The following PRRC2C variants were observed in gnomAD, a reference collection of about 807,000 sequenced individuals.
PRRC2C encodes the protein protein PRRC2C.
Under a neutral mutation model 317.2 loss-of-function variants are expected in PRRC2C, and 72 were observed. The observed-to-expected ratio is 0.23, with a 90% confidence interval of 0.19 to 0.28. The LOEUF (loss-of-function observed/expected upper bound fraction) is 0.28, where lower values mean the gene tolerates loss of function less well. Among genes scored for constraint, PRRC2C ranks in the 10% least tolerant of loss-of-function variants. PRRC2C has a pLI of 1.00. For missense variants in PRRC2C, 3,074 were observed against 3,459.7 expected (o/e 0.89, Z 2.80); for synonymous variants, 1,296 against 1,205.9 (o/e 1.07, Z -1.55).
chr1:171,583,820 A>G, intron 28 of PRRC2C, 136 bp from the exon 29 acceptor site: 1 of 695,704 alleles, frequency 1.4e-6, no homozygotes, highest in Non-Finnish European at 2.4e-6. Flanking sequence ...CCATCAATAT[A>G]TATGTGGTCT....
chr1:171,527,115 C>T (rs1411038330), intron 10 of PRRC2C, among the ~76,000 whole-genome samples: 1 of 148,254 alleles, frequency 6.7e-6, no homozygotes, highest in Non-Finnish European at 1.5e-5. Flanking sequence ...TGAAATATTT[C>T]TAATAGATAT....
intron 12 of PRRC2C, among the ~76,000 whole-genome samples, chr1:171,535,088 A>C (rs1305310127): frequency 6.6e-6 from 1 of 152,170 alleles, no homozygotes; most frequent in Non-Finnish European, 1.5e-5. Flanking sequence ...CTACCAGTAA[A>C]TACTGACAAT....
rs531031924 is a variant in PRRC2C, at chr1:171,494,663, G to A, written c.-58+8928G>A. Among the ~76,000 whole-genome samples the A allele has an allele frequency of 4.6e-5, 7 of 151,976 alleles. No homozygotes were observed. In the East Asian group the frequency reaches 1.4e-3, roughly 30 times the overall value. ...ACAGTCACCCCTTAACATTCACAAA[G>A]CATATGTCCTAAGATCTTACAAATT... On this transcript the variant is annotated intron_variant, in intron 1 of 34. Transcript: ENST00000647382.
Position 171,540,893 on chromosome 1 carries a change from G to C in PRRC2C, c.3427G>C (p.Val1143Leu), listed in dbSNP as rs770648444. Residue 1143 changes from valine to leucine, a missense_variant, in exon 16 of 35, where the codon GTC becomes CTC. Coordinates refer to ENST00000647382, the MANE Select transcript of PRRC2C (RefSeq NM_001387844.1). ...CAAAGAAGAAAAACAACCTGAGAAA[G>C]TCATCAGCAAAGACCTTGTTATAGA... Reference protein sequence around the residue: ...VVKEEKQPEKVISKDLVIERP... With the variant: ...VVKEEKQPEKLISKDLVIERP... The C allele has an allele frequency of 6.2e-7, 1 of 1,613,684 alleles. No homozygotes were observed. Among genetic ancestry groups the C allele is most frequent in the Non-Finnish European group, 8.5e-7 (1 of 1,179,808 alleles).
At chr1:171,487,298 T>G (rs1395402271) in intron 1 of PRRC2C, among the ~76,000 whole-genome samples, 3 of 152,194 alleles carry the variant, frequency 2.0e-5, no homozygotes, top group African/African-American at 7.2e-5. Context: ...TTATTGGTGG[T>G]ATTGTGTAGG....
rs1345952122 is a variant in PRRC2C at position 171,591,372 on chromosome 1, G to GT, written c.8437-215_8437-214insT. The GT allele has an allele frequency of 4.4e-3, 2,290 of 514,868 alleles. 6 individuals carry two copies. Among genetic ancestry groups the GT allele is most frequent in the Admixed American group, 6.9e-3 (123 of 17,744 alleles). 31.9% of individuals were successfully genotyped at this position (514,868 alleles called of 1,614,324 possible). A position where few individuals can be genotyped will look rare whatever the true frequency, so the allele number is the denominator to read the frequency against. On this transcript the variant is annotated intron_variant, in intron 34 of 34. Coordinates refer to ENST00000647382, the MANE Select transcript of PRRC2C (RefSeq NM_001387844.1). ...AAAAGGTGGTGGGAGGTGGTCCTGT[G>GT]GTTTTTTTTTTTTTTTTAAATCACA...
In PRRC2C at chr1:171,523,524, T is replaced by C. The variant is rs1673983431; in HGVS notation, c.1055+2T>C. 6.3e-7 allele frequency: 1 copy of C among 1,599,118 alleles called. No homozygotes were observed. The highest frequency in any genetic ancestry group is 8.6e-7 in the Non-Finnish European group (1 of 1,169,346). On this transcript the variant is annotated splice_donor_variant, in intron 9 of 34. Coordinates refer to ENST00000647382, the MANE Select transcript of PRRC2C (RefSeq NM_001387844.1). LOFTEE classifies it high-confidence loss of function. The stretch of plus-strand genomic sequence containing the variant: ...TAACAGTCCTAAAGAGAATAACAGG[T>C]AAGTTGTGATATCTTTTACTAATAA...
rs902184853 is a variant in PRRC2C, at chr1:171,547,367, AAAT to A, written c.4972+1686_4972+1688del. ...GTAGTTGGGTGAACTAAGGAAGTTG[AAAT>A]AATAAGATAGGCTTTACACACACAC... On this transcript the variant is annotated intron_variant, in intron 17 of 34. Coordinates refer to ENST00000647382, the MANE Select transcript of PRRC2C (RefSeq NM_001387844.1). Among the ~76,000 whole-genome samples the A allele has an allele frequency of 1.5e-4, 23 of 152,308 alleles. 1 individual carries two copies. In the South Asian group the frequency reaches 3.7e-3, roughly 25 times the overall value.
chr1:171,536,412 C>T lies in PRRC2C; in HGVS notation c.2293+134C>T, dbSNP rs1201256405. ...TTTTTAATCAAAATGATGTAACTTT[C>T]AGCATCGAGTAATTAAATATCTGAC... On this transcript the variant is annotated intron_variant, in intron 14 of 34. Coordinates refer to ENST00000647382, the MANE Select transcript of PRRC2C (RefSeq NM_001387844.1). The T allele has an allele frequency of 3.9e-6, 4 of 1,014,446 alleles. No homozygotes were observed. In the African/African-American group the frequency reaches 6.5e-5, roughly 16 times the overall value. The allele number at this position is 1,014,446 out of a possible 1,614,324, so 62.8% of individuals were successfully genotyped here. A position where few individuals can be genotyped will look rare whatever the true frequency, so the allele number is the denominator to read the frequency against.
Position 171,589,504 on chromosome 1 carries a change from C to G in PRRC2C, c.8335C>G (p.His2779Asp). 7.8e-7 allele frequency: 1 copy of G among 1,289,840 alleles called. No homozygotes were observed. 79.9% of individuals were successfully genotyped at this position (1,289,840 alleles called of 1,614,324 possible). A position where few individuals can be genotyped will look rare whatever the true frequency, so the allele number is the denominator to read the frequency against. ...TCCGCTGACCACAGGCCTCATGAGC[C>G]ATGCTCGTTTGCCACATGTAGCCAG... ...PPPLTTGLMS[H>D]ARLPHVARGP... is the part of the protein sequence containing the mutation. Residue 2779 changes from histidine (H) to aspartate (D), a missense_variant, in exon 34 of 35, where the codon CAT becomes GAT. Coordinates refer to ENST00000647382, the MANE Select transcript of PRRC2C (RefSeq NM_001387844.1).
At chr1:171,570,612 A>G (rs1412692448) in intron 23 of PRRC2C, among the ~76,000 whole-genome samples, 2 of 152,336 alleles carry the variant, frequency 1.3e-5, no homozygotes, top group East Asian at 3.9e-4. Flanking sequence ...ATAAAGTCCC[A>G]AGATCCAGAG....
chr1:171,542,316 GT>G, intron 16 of PRRC2C, 87 bp downstream of exon 16: 1 of 1,207,334 alleles, frequency 8.3e-7, no homozygotes. Flanking sequence ...CAAAGAGCCA[GT>G]CTAGATAAAG....
intron 23 of PRRC2C, among the ~76,000 whole-genome samples, chr1:171,568,858 A>G (rs923136102): frequency 5.6e-5 from 8 of 143,488 alleles, no homozygotes; most frequent in Admixed American, 2.0e-4. Context: ...TGTATTGTAT[A>G]CATAAGTACG....
chr1:171,574,425 C>T (rs1463766794), intron 24 of PRRC2C, among the ~76,000 whole-genome samples: 2 of 152,096 alleles, frequency 1.3e-5, no homozygotes, highest in African/African-American at 4.8e-5. Flanking sequence ...CAGCTGAAAC[C>T]AGGGGTCATA....
chr1:171,536,584 C>T (rs973007187), intron 14 of PRRC2C, among the ~76,000 whole-genome samples: 1 of 151,952 alleles, frequency 6.6e-6, no homozygotes, highest in Non-Finnish European at 1.5e-5. Context: ...GTGTTTTCAG[C>T]GTTTGAATTT....
chr1:171,577,693 G>T, intron 26 of PRRC2C, 56 bp downstream of exon 26: 1 of 1,477,642 alleles, frequency 6.8e-7, no homozygotes, highest in South Asian at 1.2e-5. Flanking sequence ...TTACTAAAAT[G>T]CTTATTTTTG....
intron 25 of PRRC2C, among the ~76,000 whole-genome samples, chr1:171,575,396 A>G (rs1242065765): frequency 1.3e-5 from 2 of 152,190 alleles, no homozygotes; most frequent in Admixed American, 6.5e-5. Flanking sequence ...GATCAGCTCA[A>G]AAAGAACAGA....
At chr1:171,536,354 G>C in intron 14 of PRRC2C, 76 bp downstream of exon 14, 1 of 1,483,732 alleles carries the variant, frequency 6.7e-7, no homozygotes. Flanking sequence ...GTTCCTTTGA[G>C]AGTTGTAATC....
In PRRC2C at chr1:171,579,442, G is replaced by C; in HGVS notation, c.7248G>C (p.Gln2416His). 1 of 1,613,648 alleles carries C rather than the reference G, an allele frequency of 6.2e-7. No individual in the cohort carries two copies. Among genetic ancestry groups the C allele is most frequent in the Non-Finnish European group, 8.5e-7 (1 of 1,179,844 alleles). Reference protein sequence around the residue: ...RLAPPSLAQQQGFQPGLSQPT... With the variant: ...RLAPPSLAQQHGFQPGLSQPT... ...CTCCGCCATCCTTGGCTCAACAACA[G>C]GGTTTCCAACCAGGTCTCTCTCAGG... The change falls in exon 27 of 35, where the codon CAG (glutamine) becomes CAC (histidine). Residue 2416 changes from glutamine (Q) to histidine (H), a missense_variant. By Grantham distance (24) the Gln-to-His change is conservative. Around this residue, in one of 11 missense-constraint regions of PRRC2C, gnomAD observed 490 missense variants for 663.1 expected, o/e 0.74. Coordinates refer to ENST00000647382, the MANE Select transcript of PRRC2C (RefSeq NM_001387844.1).
Sources: gnomAD v4.1 joint callset for allele counts (sites outside exome capture counted in the v4.1 genomes callset) on GRCh38, gnomAD v4.1.1 for gene constraint, gnomAD v4.1.1 regional missense constraint, MANE v1.5 for transcripts, NCBI Gene and HGNC (gene_info 2026-07-23, HGNC 2026-07-21) for gene names.